The following HECW2 variants were observed in gnomAD, a reference collection of about 807,000 sequenced individuals.
HECW2 encodes the protein HECT, C2 and WW domain containing E3 ubiquitin protein ligase 2.
HECW2 carries 61 observed loss-of-function variants against 175.2 expected under a neutral mutation model. The observed-to-expected ratio is 0.35, with a 90% CI of 0.28 to 0.43. The LOEUF is 0.43. Among genes scored for constraint, HECW2 ranks in the 20% least tolerant of loss-of-function variants. The pLI, the probability that HECW2 is intolerant of heterozygous loss-of-function variation, is 1.00. For synonymous variants in HECW2, 671 were observed against 731.0 expected, an observed-to-expected ratio of 0.92 and a Z score of 1.32; for missense variants, 1,524 against 2,000.5, an observed-to-expected ratio of 0.76 and a Z score of 4.54.
At chr2:196,376,011 G>A (rs41351547) in intron 2 of HECW2, among the ~76,000 whole-genome samples, 25,653 of 152,188 alleles carry the variant, frequency 0.17, 2,962 homozygotes, top group African/African-American at 0.32. Context: ...ATCAGTCTAC[G>A]TTCCTTCAGG....
chr2:196,365,067 C>T (rs1693707854), intron 2 of HECW2, among the ~76,000 whole-genome samples: 1 of 152,330 alleles, frequency 6.6e-6, no homozygotes, highest in South Asian at 2.1e-4. Flanking sequence ...CAGTTTTCAA[C>T]ATTCAAAGCT....
At chr2:196,215,691 CAG>C (rs1362201970) in intron 28 of HECW2, among the ~76,000 whole-genome samples, 172 bp downstream of exon 28, 1 of 152,070 alleles carries the variant, frequency 6.6e-6, no homozygotes. Context: ...TAAGTGTGAC[CAG>C]AGAGATCTTT....
chr2:196,209,455 A>G (rs1419791192), intron 28 of HECW2, among the ~76,000 whole-genome samples: 1 of 152,224 alleles, frequency 6.6e-6, no homozygotes, highest in African/African-American at 2.4e-5. Flanking sequence ...TGTTTTTGTT[A>G]GTACATGCAG....
At chr2:196,417,973 T>C (rs6434854) in intron 2 of HECW2, among the ~76,000 whole-genome samples, 144,233 of 152,314 alleles carry the variant, frequency 0.95, 68,404 homozygotes, top group East Asian at 1. Flanking sequence ...AATATTTAGA[T>C]TCCTGTTAGT....
intron 5 of HECW2, among the ~76,000 whole-genome samples, chr2:196,327,450 A>G (rs1221983480): frequency 6.6e-6 from 1 of 152,224 alleles, no homozygotes; most frequent in Non-Finnish European, 1.5e-5. Flanking sequence ...CAAAGTCACA[A>G]AGGTTTGACG....
chr2:196,579,314 C>T (rs1427645836), intron 1 of HECW2, among the ~76,000 whole-genome samples: 1 of 151,874 alleles, frequency 6.6e-6, no homozygotes, highest in Non-Finnish European at 1.5e-5. Flanking sequence ...ATATTTAACA[C>T]AAGATAAGAC....
At chr2:196,430,018 G>A (rs1402886349) in intron 2 of HECW2, among the ~76,000 whole-genome samples, 1 of 152,186 alleles carries the variant, frequency 6.6e-6, no homozygotes, top group South Asian at 2.1e-4. Context: ...AGCCCAGCCA[G>A]AGTGAAGAGA....
At chr2:196,514,845 G>C (rs1030902222) in intron 1 of HECW2, among the ~76,000 whole-genome samples, 1 of 152,144 alleles carries the variant, frequency 6.6e-6, no homozygotes, top group African/African-American at 2.4e-5. Context: ...CCAGTTGTCC[G>C]CACACCTCAT....
chr2:196,496,101 C>T (rs912706186), intron 1 of HECW2, among the ~76,000 whole-genome samples: 4 of 152,154 alleles, frequency 2.6e-5, no homozygotes, highest in Admixed American at 6.6e-5. Context: ...CTTGACCACA[C>T]GAGTTTTCAA....
intron 10 of HECW2, among the ~76,000 whole-genome samples, chr2:196,315,387 G>A (rs1691657440): frequency 6.6e-6 from 1 of 152,052 alleles, no homozygotes; most frequent in South Asian, 2.1e-4. Context: ...CCCATTGCAG[G>A]ATGTTTGATA....
chr2:196,239,501 T>C (rs1321252582), intron 21 of HECW2: 5 of 152,246 alleles, frequency 3.3e-5, no homozygotes, highest in Non-Finnish European at 7.3e-5. Flanking sequence ...ATCCACTGTG[T>C]ACTGAATGGC....
intron 1 of HECW2, among the ~76,000 whole-genome samples, chr2:196,476,702 C>A (rs1314245867): frequency 6.6e-6 from 1 of 151,804 alleles, no homozygotes; most frequent in East Asian, 1.9e-4. Context: ...TTGTCCAAAG[C>A]TCTCACTGGT....
At chr2:196,223,014 G>T (rs1463436573) in intron 23 of HECW2, among the ~76,000 whole-genome samples, 1 of 151,956 alleles carries the variant, frequency 6.6e-6, no homozygotes, top group African/African-American at 2.4e-5. Context: ...GGTAGTCATT[G>T]ATTTGCTATA....
intron 1 of HECW2, among the ~76,000 whole-genome samples, chr2:196,460,198 G>C (rs1696683905): frequency 6.6e-6 from 1 of 152,162 alleles, no homozygotes; most frequent in African/African-American, 2.4e-5. Flanking sequence ...GAAAACCAAG[G>C]AGTCAGACTT....
intron 2 of HECW2, among the ~76,000 whole-genome samples, chr2:196,420,691 T>C (rs376454628): frequency 6.6e-6 from 1 of 152,234 alleles, no homozygotes; most frequent in Admixed American, 6.5e-5. Context: ...ATGTGTTCTA[T>C]AAGAAAATCA....
At chr2:196,270,356 CATGT>C (rs1293709779) in intron 17 of HECW2, among the ~76,000 whole-genome samples, 3 of 152,086 alleles carry the variant, frequency 2.0e-5, no homozygotes, top group Non-Finnish European at 4.4e-5. Flanking sequence ...AGGGGAACAG[CATGT>C]ATTCAGGAAA....
chr2:196,506,385 G>C (rs1687761741), intron 1 of HECW2, among the ~76,000 whole-genome samples: 1 of 152,216 alleles, frequency 6.6e-6, no homozygotes, highest in African/African-American at 2.4e-5. Context: ...GCAACTTCAA[G>C]TGAAATGATG....
intron 1 of HECW2, among the ~76,000 whole-genome samples, chr2:196,561,706 G>C (rs964936748): frequency 1.3e-5 from 2 of 152,120 alleles, no homozygotes; most frequent in Admixed American, 1.3e-4. Flanking sequence ...AAATATCAGG[G>C]GCTGGTTCCC....
At chr2:196,498,760 C>T (rs1687479831) in intron 1 of HECW2, among the ~76,000 whole-genome samples, 1 of 152,140 alleles carries the variant, frequency 6.6e-6, no homozygotes, top group African/African-American at 2.4e-5. Context: ...TATAGCTTGC[C>T]TTTTTTGTAA....
Sources: gnomAD v4.1 joint callset for allele counts (sites outside exome capture counted in the v4.1 genomes callset) on GRCh38, gnomAD v4.1.1 for gene constraint, MANE v1.5 for transcripts, NCBI Gene and HGNC (gene_info 2026-07-23, HGNC 2026-07-21) for gene names.